The following EPB41L3 variants were observed in gnomAD, a reference collection of about 807,000 sequenced individuals.
The protein encoded by EPB41L3 is erythrocyte membrane protein band 4.1 like 3, also known as band 4.1-like protein 3.
In EPB41L3, 57 loss-of-function variants were observed where a neutral mutation model predicts 127.1. That is an observed-to-expected ratio of 0.45 (90% CI 0.36 to 0.56). The LOEUF is 0.56. Among genes scored for constraint, EPB41L3 ranks in the 20% least tolerant of loss-of-function variants. The probability of loss-of-function intolerance (pLI) is 0.00; values close to 1 mark genes in which losing one functional copy is unlikely to be tolerated. For synonymous variants in EPB41L3, 572 were observed against 549.5 expected (o/e 1.04, Z -0.57); for missense variants, 1,273 against 1,372.2 (o/e 0.93, Z 1.14).
intron 11 of EPB41L3, 26 bp from the exon 12 acceptor site, chr18:5,419,903 G>A (rs758976234): frequency 6.2e-7 from 1 of 1,614,058 alleles, no homozygotes; most frequent in East Asian, 2.2e-5. Context: ...AATCCTTCAT[G>A]TATATTTCAT....
chr18:5,629,818 G>A (rs1018780848), upstream of EPB41L3, among the ~76,000 whole-genome samples: 47 of 152,290 alleles, frequency 3.1e-4, 1 homozygote, highest in African/African-American at 9.9e-4. Flanking sequence ...ACCCCAGGTC[G>A]CTCCAACTCC....
chr18:5,433,762 A>G, intron 7 of EPB41L3, 141 bp downstream of exon 7: 2 of 1,003,920 alleles, frequency 2.0e-6, no homozygotes, highest in Admixed American at 4.3e-5. Context: ...TGCCCATCTC[A>G]GAATTTTACT....
chr18:5,622,846 G>C (rs932841055), intron 1 of EPB41L3, among the ~76,000 whole-genome samples: 2 of 150,406 alleles, frequency 1.3e-5, no homozygotes, highest in African/African-American at 4.9e-5. Context: ...ATGAGTCTCT[G>C]ATTAAACATT....
intron 3 of EPB41L3, among the ~76,000 whole-genome samples, chr18:5,609,417 T>G (rs1225905901): frequency 6.6e-6 from 1 of 152,210 alleles, no homozygotes; most frequent in Non-Finnish European, 1.5e-5. Context: ...CTGTCTATTC[T>G]GCATTCTATA....
intron 6 of EPB41L3, 122 bp from the exon 7 acceptor site, chr18:5,434,243 T>C (rs1395269211): frequency 1.0e-5 from 7 of 692,188 alleles, no homozygotes; most frequent in Non-Finnish European, 1.5e-5. Flanking sequence ...TAGGATAAAT[T>C]TTCTAGCGTC....
intron 3 of EPB41L3, among the ~76,000 whole-genome samples, chr18:5,596,128 G>T (rs2094534803): frequency 6.6e-6 from 1 of 152,168 alleles, no homozygotes; most frequent in Non-Finnish European, 1.5e-5. Flanking sequence ...TGTTCGGATT[G>T]GTCCAGAAAA....
At chr18:5,474,887 G>A (rs1185816979) in intron 3 of EPB41L3, among the ~76,000 whole-genome samples, 1 of 152,138 alleles carries the variant, frequency 6.6e-6, no homozygotes, top group Admixed American at 6.5e-5. Context: ...CAGTTTCTAC[G>A]GGAACCCTCC....
At chr18:5,459,888 TA>T (rs2083691025) in intron 3 of EPB41L3, among the ~76,000 whole-genome samples, 1 of 152,248 alleles carries the variant, frequency 6.6e-6, no homozygotes, top group Non-Finnish European at 1.5e-5. Context: ...AGATGACTTT[TA>T]AATTTCTCTT....
chr18:5,629,050 C>T (rs1310006464), upstream of EPB41L3: 1 of 152,326 alleles, frequency 6.6e-6, no homozygotes, highest in Non-Finnish European at 1.5e-5. Flanking sequence ...GACGCTCTCT[C>T]TGGAGCGCGG....
intron 1 of EPB41L3, among the ~76,000 whole-genome samples, chr18:5,615,511 A>G (rs2094784051): frequency 6.6e-6 from 1 of 152,206 alleles, no homozygotes; most frequent in Non-Finnish European, 1.5e-5. Context: ...CTATTTGAGA[A>G]CACTAGAAGG....
intron 5 of EPB41L3, among the ~76,000 whole-genome samples, chr18:5,441,417 T>C (rs2080706636): frequency 1.3e-5 from 2 of 152,034 alleles, no homozygotes; most frequent in South Asian, 4.1e-4. Context: ...GGCATTTTAG[T>C]GGATGGGAAA....
intron 3 of EPB41L3, among the ~76,000 whole-genome samples, chr18:5,464,523 T>C (rs1048312206): frequency 4.6e-5 from 7 of 152,164 alleles, no homozygotes; most frequent in Admixed American, 4.6e-4. Context: ...TCTATGACAG[T>C]AGAGGATGTG....
At chr18:5,394,117 A>G (rs561206600) in intron 22 of EPB41L3, 1 of 153,050 alleles carries the variant, frequency 6.5e-6, no homozygotes, top group African/African-American at 2.4e-5. Context: ...CAGGAAATAT[A>G]AGACATCCAA....
Position 5,406,825 on chromosome 18 carries a change from G to T in EPB41L3, c.2301C>A (p.Ala767=). Residue 767 remains alanine (A), a synonymous_variant, in exon 16 of 23, where the codon GCC becomes GCA. Transcript: ENST00000341928. The part of the protein sequence containing the change: ...KRLSTSPVRL[A]ARQEDAPMIE... ...TCATGGGGGCATCCTCCTGCCTGGC[G>T]GCCAGTCGCACGGGGGAGGTGGAAA... 6.2e-7 allele frequency: 1 copy of T among 1,614,168 alleles called. No individual in the cohort carries two copies. Among genetic ancestry groups the T allele is most frequent in the Non-Finnish European group, 8.5e-7 (1 of 1,180,024 alleles).
intron 3 of EPB41L3, among the ~76,000 whole-genome samples, chr18:5,602,425 T>C (rs929092666): frequency 6.6e-6 from 1 of 152,204 alleles, no homozygotes; most frequent in Non-Finnish European, 1.5e-5. Context: ...TCCACAGATT[T>C]ACAGTCCTTC....
intron 7 of EPB41L3, 25 bp downstream of exon 7, chr18:5,433,878 A>G (rs2145810579): frequency 4.3e-6 from 7 of 1,612,550 alleles, no homozygotes; most frequent in Non-Finnish European, 5.9e-6. Flanking sequence ...GGCACAACTT[A>G]AATGAACACC....
intron 1 of EPB41L3, among the ~76,000 whole-genome samples, chr18:5,617,070 C>T (rs2094803911): frequency 6.6e-6 from 1 of 152,038 alleles, no homozygotes; most frequent in Admixed American, 6.5e-5. Flanking sequence ...ATCAATTTAC[C>T]TTCTTCCCTC....
chr18:5,629,265 G>C (rs917938586), upstream of EPB41L3, among the ~76,000 whole-genome samples: 1 of 151,930 alleles, frequency 6.6e-6, no homozygotes. Context: ...GCTGGAGCTG[G>C]AGGAGAGGAG....
chr18:5,478,577 T>C lies in EPB41L3; in HGVS notation c.184-139A>G, dbSNP rs949771942. The C allele has an allele frequency of 7.1e-6, 5 of 702,910 alleles. No homozygotes were observed. In the African/African-American group the frequency reaches 7.2e-5, roughly 10 times the overall value. 43.5% of individuals were successfully genotyped at this position (702,910 alleles called of 1,614,324 possible). A position where few individuals can be genotyped will look rare whatever the true frequency, so the allele number is the denominator to read the frequency against. On this transcript the variant is annotated intron_variant, in intron 2 of 22. Coordinates refer to ENST00000341928, the MANE Select transcript of EPB41L3 (RefSeq NM_012307.5). Reference sequence around the variant, plus strand: ...AGGATATTAGGAATAGATATAAATATACAGATATTTATAATATTTGCCTAA... The same window carrying C: ...AGGATATTAGGAATAGATATAAATACACAGATATTTATAATATTTGCCTAA...
Sources: allele counts gnomAD v4.1 joint callset (sites outside exome capture counted in the v4.1 genomes callset), GRCh38; gene constraint gnomAD v4.1.1; transcripts MANE v1.5; gene names NCBI Gene and HGNC (gene_info 2026-07-23, HGNC 2026-07-21).